RAP1GAP2: variants seen among roughly 807,000 people sequenced by gnomAD.
RAP1GAP2 encodes the protein rap1 GTPase-activating protein 2.
RAP1GAP2 carries 27 observed loss-of-function variants against 95.0 expected under a neutral mutation model. The observed-to-expected ratio is 0.28, with a 90% CI of 0.21 to 0.39. The LOEUF (loss-of-function observed/expected upper bound fraction) is 0.39, where lower values mean the gene tolerates loss of function less well. Among genes scored for constraint, RAP1GAP2 ranks in the 10% least tolerant of loss-of-function variants. The pLI is 1.00. For synonymous variants in RAP1GAP2, 373 were observed against 380.9 expected, an observed-to-expected ratio of 0.98 and a Z score of 0.24; for missense variants, 771 against 970.0, an observed-to-expected ratio of 0.79 and a Z score of 2.72.
intron 1 of RAP1GAP2, among the ~76,000 whole-genome samples, chr17:2,756,603 A>G (rs890070568): frequency 6.6e-6 from 1 of 152,146 alleles, no homozygotes; most frequent in African/African-American, 2.4e-5. Context: ...CAAGATTCAA[A>G]AGAGAATGTC....
Position 3,027,487 on chromosome 17 carries a change from G to C in RAP1GAP2, c.2107+417G>C, listed in dbSNP as rs2047163007. 6.6e-6 allele frequency among the ~76,000 whole-genome samples: 1 copy of C among 152,128 alleles called. No homozygotes were observed. ...ATACAAGACGGGGGAAGGGCTGCAG[G>C]GGGAGGGAACAGCATGTGGAAAGGC... On this transcript the variant is annotated intron_variant, in intron 22 of 24. Transcript: ENST00000254695. This position sits in a 1 kb window ranked among gnomAD's most constrained non-coding sequence, Gnocchi z 5.2.
intron 17 of RAP1GAP2, among the ~76,000 whole-genome samples, chr17:3,010,001 G>A (rs748472301): frequency 2.6e-5 from 4 of 152,166 alleles, no homozygotes; most frequent in Admixed American, 6.5e-5. Flanking sequence ...CATAGCCCAC[G>A]TATCAAAACA....
rs1011084897 is a variant in RAP1GAP2 at position 2,902,317 on chromosome 17, A to G, written c.81-2967A>G. Among the ~76,000 whole-genome samples the G allele has an allele frequency of 5.3e-5, 8 of 151,990 alleles. No homozygotes were observed. Among genetic ancestry groups the G allele is most frequent in the Non-Finnish European group, 1.0e-4 (7 of 67,998 alleles). On this transcript the variant is annotated intron_variant, in intron 2 of 24. Transcript: ENST00000254695. This position sits in a 1 kb window ranked among gnomAD's most constrained non-coding sequence, Gnocchi z 4.1. ...CTGCAACCTCCACCTCTTGGGTTCA[A>G]GCGATTCTCTTGCCTCAGCCTCCCA...
At chr17:2,940,498 G>A (rs1442486690) in intron 3 of RAP1GAP2, among the ~76,000 whole-genome samples, 3 of 152,224 alleles carry the variant, frequency 2.0e-5, no homozygotes, top group African/African-American at 4.8e-5. Flanking sequence ...CTGGGCTTCC[G>A]CCTGGCCTGG....
intron 2 of RAP1GAP2, among the ~76,000 whole-genome samples, chr17:2,865,748 C>CA (rs2072589873): frequency 6.6e-6 from 1 of 152,206 alleles, no homozygotes; most frequent in African/African-American, 2.4e-5. Flanking sequence ...AGGCAGGACT[C>CA]AGCCGTGGTG....
rs961482703 is a variant in RAP1GAP2, at chr17:3,003,200, T to G, written c.1201-2169T>G. 1.3e-5 allele frequency among the ~76,000 whole-genome samples: 2 copies of G among 152,182 alleles called. No homozygotes were observed. Among genetic ancestry groups the G allele is most frequent in the Non-Finnish European group, 2.9e-5 (2 of 68,032 alleles). ...CTGTGGCTGAGGTCCTGTCTGGGTC[T>G]GCTTGCGGTCTTGGTCATTGAGCCA... On this transcript the variant is annotated intron_variant, in intron 14 of 24. Transcript: ENST00000254695. This position sits in a 1 kb window ranked among gnomAD's most constrained non-coding sequence, Gnocchi z 4.1.
intron 2 of RAP1GAP2, among the ~76,000 whole-genome samples, chr17:2,859,330 C>G (rs889764733): frequency 6.6e-6 from 1 of 151,916 alleles, no homozygotes; most frequent in Non-Finnish European, 1.5e-5. Context: ...AGGCTGGTCT[C>G]GAACTCCTGG....
chr17:2,838,016 C>CTTTTTTTTTTTT (rs71153304), intron 2 of RAP1GAP2, among the ~76,000 whole-genome samples: 3 of 94,440 alleles, frequency 3.2e-5, no homozygotes, highest in Admixed American at 1.6e-4. Context: ...TTCTTTTTTC[C>CTTTTTTTTTTTT]TTTTTTTTTT....
chr17:2,982,152 T>C (rs1015043070), intron 10 of RAP1GAP2, among the ~76,000 whole-genome samples: 1 of 152,134 alleles, frequency 6.6e-6, no homozygotes, highest in Non-Finnish European at 1.5e-5. Flanking sequence ...CAAACACTCT[T>C]TTTTTGAGAC....
intron 2 of RAP1GAP2, among the ~76,000 whole-genome samples, chr17:2,840,224 C>A (rs1343034480): frequency 6.6e-6 from 1 of 151,578 alleles, no homozygotes; most frequent in Non-Finnish European, 1.5e-5. Flanking sequence ...AGTGCGGTGG[C>A]GCGATCTCGG....
intron 2 of RAP1GAP2, among the ~76,000 whole-genome samples, chr17:2,868,099 C>T (rs967035098): frequency 6.6e-6 from 1 of 152,168 alleles, no homozygotes; most frequent in Admixed American, 6.5e-5. Flanking sequence ...TAATGTGTCC[C>T]CTTCCTGTTT....
At position 3,005,376 on chromosome 17, in the gene RAP1GAP2, T is replaced by C. The variant is rs757421497; in HGVS notation, c.1208T>C (p.Val403Ala). Residue 403 changes from valine to alanine, a missense_variant, in exon 15 of 25, where the codon GTC becomes GCC. Coordinates refer to ENST00000254695, the MANE Select transcript of RAP1GAP2 (RefSeq NM_015085.5). This position sits in a 1 kb window ranked among gnomAD's most constrained non-coding sequence, Gnocchi z 5.2. ...TGACTCTGTTTCACTCAGGTCTCTG[T>C]CACTGCGCGGGAAGATGTGCCCACC... ...GTETPSYKVS[V>A]TAREDVPTFG... The C allele has an allele frequency of 6.2e-7, 1 of 1,613,886 alleles. No homozygotes were observed. The highest frequency in any genetic ancestry group is 8.5e-7 in the Non-Finnish European group (1 of 1,179,792).
chr17:2,991,402 GT>G lies in RAP1GAP2; in HGVS notation c.914+9del. On this transcript the variant is annotated splice_donor_region_variant and intron_variant, in intron 12 of 24. Coordinates refer to ENST00000254695, the MANE Select transcript of RAP1GAP2 (RefSeq NM_015085.5). ...CACACTGCAGGATTTCAAAGGGTGGGTTTTAGCCAAGTGACGGCTCCAGCTC... is the reference window on the plus strand; with the variant it reads ...CACACTGCAGGATTTCAAAGGGTGGGTTTAGCCAAGTGACGGCTCCAGCTC... The G allele has an allele frequency of 6.3e-7, 1 of 1,590,186 alleles. No individual in the cohort carries two copies. The highest frequency in any genetic ancestry group is 8.6e-7 in the Non-Finnish European group (1 of 1,166,606).
intron 3 of RAP1GAP2, among the ~76,000 whole-genome samples, chr17:2,954,483 G>C (rs1260348428): frequency 1.3e-5 from 2 of 152,078 alleles, no homozygotes; most frequent in Non-Finnish European, 2.9e-5. Flanking sequence ...TGGGTCATGC[G>C]GGTACAGAGG....
At chr17:2,828,883 C>T (rs373791239) in intron 2 of RAP1GAP2, among the ~76,000 whole-genome samples, 1 of 151,844 alleles carries the variant, frequency 6.6e-6, no homozygotes, top group Non-Finnish European at 1.5e-5. Flanking sequence ...TGTGTCTTTG[C>T]TCTCTCCTTT....
At chr17:3,007,079 G>C (rs116683697) in intron 16 of RAP1GAP2, among the ~76,000 whole-genome samples, 17,872 of 152,120 alleles carry the variant, frequency 0.12, 1,238 homozygotes, top group Middle Eastern at 0.15. Context: ...TGGCATGGTA[G>C]ACAGCATGAG....
intron 3 of RAP1GAP2, among the ~76,000 whole-genome samples, chr17:2,934,574 C>T (rs368459299): frequency 6.6e-6 from 1 of 152,208 alleles, no homozygotes; most frequent in Non-Finnish European, 1.5e-5. Flanking sequence ...ATCCACTGTT[C>T]TTTCTGTTAC....
At chr17:2,853,901 C>G in intron 2 of RAP1GAP2, 2 of 978,378 alleles carry the variant, frequency 2.0e-6, no homozygotes, top group Non-Finnish European at 2.4e-6. Flanking sequence ...AGGCCGGGGG[C>G]CGGGGCGCGG....
chr17:2,889,894 T>A lies in RAP1GAP2; in HGVS notation c.81-15390T>A, dbSNP rs866089406. ...ATATATATATATATATATATATTTTTTTTTTTTTTTGTAGAGATGGGTTTT... is the reference window on the plus strand; with the variant it reads ...ATATATATATATATATATATATTTTATTTTTTTTTTGTAGAGATGGGTTTT... On this transcript the variant is annotated intron_variant, in intron 2 of 24. Coordinates refer to ENST00000254695, the MANE Select transcript of RAP1GAP2 (RefSeq NM_015085.5). 3.2e-3 allele frequency among the ~76,000 whole-genome samples: 435 copies of A among 137,038 alleles called. 2 individuals are homozygous for A. The highest frequency in any genetic ancestry group is 0.011 in the African/African-American group (412 of 37,130). 89.9% of individuals were successfully genotyped at this position (137,038 alleles called of 152,430 possible). A position where few individuals can be genotyped will look rare whatever the true frequency, so the allele number is the denominator to read the frequency against.
Sources: gnomAD v4.1 joint callset for allele counts (sites outside exome capture counted in the v4.1 genomes callset) on GRCh38, gnomAD v4.1.1 for gene constraint, Gnocchi (gnomAD v3.1) non-coding constraint, MANE v1.5 for transcripts, NCBI Gene and HGNC (gene_info 2026-07-23, HGNC 2026-07-21) for gene names.